Variants in CASP9 observed in about 807,000 individuals in gnomAD.
The protein encoded by CASP9 is caspase 9, also known as caspase-9.
A neutral mutation model predicts 43.5 loss-of-function variants in CASP9; 29 were observed. The observed-to-expected ratio is 0.67, with a 90% CI of 0.50 to 0.91. The LOEUF is 0.91. Ranked by LOEUF, CASP9 falls within the 40% of genes least tolerant of loss-of-function variation. The pLI, the probability that CASP9 is intolerant of heterozygous loss-of-function variation, is 0.00. For missense variants in CASP9, 575 were observed against 537.4 expected (o/e 1.07, Z -0.69); for synonymous variants, 206 against 211.9 (o/e 0.97, Z 0.24).
intron 4 of CASP9, 72 bp downstream of exon 4, chr1:15,506,827 T>C: frequency 1.5e-6 from 2 of 1,358,070 alleles, no homozygotes; most frequent in Non-Finnish European, 2.1e-6. Flanking sequence ...AGCTGGCTTT[T>C]GGAGTCCCTC....
chr1:15,511,781 G>A (rs1709764882), intron 2 of CASP9, among the ~76,000 whole-genome samples: 1 of 152,208 alleles, frequency 6.6e-6, no homozygotes. Flanking sequence ...AAAACCTGTA[G>A]CTGGCTGGGT....
At chr1:15,512,410 T>A (rs1709788503) in intron 2 of CASP9, among the ~76,000 whole-genome samples, 1 of 152,212 alleles carries the variant, frequency 6.6e-6, no homozygotes, top group Non-Finnish European at 1.5e-5. Flanking sequence ...GTCAAGGGCC[T>A]GAATAGAACG....
intron 6 of CASP9, among the ~76,000 whole-genome samples, chr1:15,500,699 C>T (rs537400202): frequency 2.7e-4 from 41 of 152,252 alleles, no homozygotes; most frequent in African/African-American, 9.1e-4. Flanking sequence ...GGAATCTGCC[C>T]CAGGTGTCTG....
At chr1:15,493,255 G>C (rs1482675416) in intron 8 of CASP9, 1 of 1,395,452 alleles carries the variant, frequency 7.2e-7, no homozygotes, top group African/African-American at 1.5e-5. Context: ...AAATCAGACT[G>C]AAATATTTGC....
At chr1:15,507,131 AG>A in intron 3 of CASP9, 56 bp from the exon 4 acceptor site, 1 of 1,604,830 alleles carries the variant, frequency 6.2e-7, no homozygotes, top group Non-Finnish European at 8.5e-7. Context: ...CCTAGAGGAC[AG>A]TCTGGAGAGG....
At chr1:15,508,297 C>T (rs750045839) in intron 2 of CASP9, among the ~76,000 whole-genome samples, 7 of 152,226 alleles carry the variant, frequency 4.6e-5, no homozygotes, top group African/African-American at 7.2e-5. Flanking sequence ...GAATGAGCTA[C>T]TGATGATACA....
At chr1:15,496,443 G>A (rs959778274) in intron 6 of CASP9, among the ~76,000 whole-genome samples, 1 of 152,078 alleles carries the variant, frequency 6.6e-6, no homozygotes, top group Non-Finnish European at 1.5e-5. Flanking sequence ...AGAAATAAAA[G>A]ACATTCAAAT....
intron 6 of CASP9, among the ~76,000 whole-genome samples, chr1:15,496,601 C>A (rs1709112424): frequency 6.6e-6 from 1 of 152,164 alleles, no homozygotes; most frequent in Non-Finnish European, 1.5e-5. Context: ...CATTTCTATA[C>A]ACTAACAATG....
chr1:15,524,890 C>A, upstream of CASP9: 1 of 472,298 alleles, frequency 2.1e-6, no homozygotes, highest in Non-Finnish European at 2.7e-6. Context: ...CATTCCGCGC[C>A]ACCGCCCCGC....
rs149735267 is a variant in CASP9, at chr1:15,503,066, G to A, written c.868+1545C>T. 4.3e-3 allele frequency among the ~76,000 whole-genome samples: 656 copies of A among 152,224 alleles called. 5 individuals are homozygous for A. The highest frequency in any genetic ancestry group is 0.012 in the African/African-American group (506 of 41,526). ...CAGTTATTAAAATGAACCAATCACT[G>A]TACACACACCAATTAGTGCATTAAA... On this transcript the variant is annotated intron_variant, in intron 6 of 8. Transcript: ENST00000333868.
At chr1:15,508,139 T>C (rs1709594758) in intron 2 of CASP9, among the ~76,000 whole-genome samples, 2 of 151,992 alleles carry the variant, frequency 1.3e-5, no homozygotes, top group Non-Finnish European at 2.9e-5. Flanking sequence ...GAGCAAGGAG[T>C]GCAAACGGGC....
chr1:15,524,556 G>T (rs1570886156), upstream of CASP9: 1 of 335,600 alleles, frequency 3.0e-6, no homozygotes, highest in Non-Finnish European at 4.1e-6. Context: ...CCCCGCCCCA[G>T]AACCCGCCCC....
intron 6 of CASP9, among the ~76,000 whole-genome samples, chr1:15,503,873 G>A (rs1709420236): frequency 6.6e-6 from 1 of 152,170 alleles, no homozygotes; most frequent in Non-Finnish European, 1.5e-5. Flanking sequence ...TGATATTCCT[G>A]TCATGACCCA....
At chr1:15,499,872 T>C (rs779291582) in intron 6 of CASP9, among the ~76,000 whole-genome samples, 21 of 152,212 alleles carry the variant, frequency 1.4e-4, no homozygotes, top group East Asian at 1.9e-4. Context: ...TTTTCTTTTT[T>C]AGGTTGCCAT....
chr1:15,509,635 CA>C (rs1334952269), intron 2 of CASP9, among the ~76,000 whole-genome samples: 273 of 116,042 alleles, frequency 2.4e-3, no homozygotes, highest in Admixed American at 2.9e-3. Flanking sequence ...AACTCCATCT[CA>C]AAAAAAAAAA....
intron 2 of CASP9, among the ~76,000 whole-genome samples, chr1:15,512,994 A>C (rs1474568513): frequency 6.6e-6 from 1 of 151,568 alleles, no homozygotes; most frequent in African/African-American, 2.4e-5. Context: ...TGTCTCTACT[A>C]AAAAAAATAC....
intron 2 of CASP9, among the ~76,000 whole-genome samples, chr1:15,508,262 A>G (rs565241427): frequency 2.0e-4 from 30 of 152,340 alleles, no homozygotes; most frequent in African/African-American, 7.0e-4. Context: ...CAGCCACACA[A>G]GAGAACATTA....
intron 5 of CASP9, 73 bp from the exon 6 acceptor site, chr1:15,504,831 T>C: frequency 3.3e-5 from 48 of 1,476,722 alleles, no homozygotes; most frequent in Non-Finnish European, 4.4e-5. Context: ...TCAGAGGTTT[T>C]GTGGGAGCCA....
intron 6 of CASP9, among the ~76,000 whole-genome samples, chr1:15,503,375 G>A (rs1412455376): frequency 6.6e-6 from 1 of 152,168 alleles, no homozygotes; most frequent in Non-Finnish European, 1.5e-5. Context: ...ACTGGCCCAG[G>A]GCTGTGTGAT....
Sources: allele counts gnomAD v4.1 joint callset (sites outside exome capture counted in the v4.1 genomes callset), GRCh38; gene constraint gnomAD v4.1.1; transcripts MANE v1.5; gene names NCBI Gene and HGNC (gene_info 2026-07-23, HGNC 2026-07-21).